SSX2IP: variants seen among roughly 807,000 people sequenced by gnomAD.
SSX2IP encodes SSX family member 2 interacting protein.
In SSX2IP, 55 loss-of-function variants were observed where a neutral mutation model predicts 84.9. The ratio of observed to expected loss-of-function variants is 0.65; its 90% CI spans 0.52 to 0.81. The LOEUF (loss-of-function observed/expected upper bound fraction) is 0.81, where lower values mean the gene tolerates loss of function less well. SSX2IP is among the 30% of genes least tolerant of loss of function. SSX2IP has a pLI of 0.00. For synonymous variants in SSX2IP, 239 were observed against 234.7 expected, an observed-to-expected ratio of 1.02 and a Z score of -0.17; for missense variants, 664 against 705.2, an observed-to-expected ratio of 0.94 and a Z score of 0.66.
intron 1 of SSX2IP, among the ~76,000 whole-genome samples, chr1:84,678,184 T>G (rs1654626561): frequency 6.6e-6 from 1 of 152,174 alleles, no homozygotes; most frequent in Non-Finnish European, 1.5e-5. Context: ...CATTCTATAG[T>G]ATTATGGTTA....
chr1:84,662,112 T>G (rs1200928641), intron 8 of SSX2IP, 86 bp downstream of exon 8: 1 of 830,878 alleles, frequency 1.2e-6, no homozygotes, highest in Admixed American at 2.5e-5. Flanking sequence ...ATACCAATAG[T>G]GTCCCCATTG....
rs566196000 is a variant in SSX2IP, at chr1:84,646,213, T to C, written c.*1220A>G. ...AGCAGGGTTAGGCACTTAAAGCTTT[T>C]TGATGAAAATCCTGGGAAAGAGCTG... On this transcript the variant is annotated 3_prime_UTR_variant, in exon 14 of 14. Transcript: ENST00000342203. 2 of 152,732 alleles carry C rather than the reference T, an allele frequency of 1.3e-5. No individual in the cohort carries two copies. The highest frequency in any genetic ancestry group is 2.4e-5 in the African/African-American group (1 of 41,574). 9.5% of individuals were successfully genotyped at this position (152,732 alleles called of 1,614,324 possible).
chr1:84,652,214 G>C (rs1650354153), intron 11 of SSX2IP: 2 of 452,102 alleles, frequency 4.4e-6, no homozygotes, highest in African/African-American at 2.0e-5. Flanking sequence ...CTTGAACTGA[G>C]GAGTTCCAAA....
intron 11 of SSX2IP, chr1:84,652,328 A>C: frequency 5.6e-6 from 1 of 178,240 alleles, no homozygotes; most frequent in South Asian, 1.2e-4. Context: ...GAGGCTGAGG[A>C]GGGAGGATGG....
chr1:84,647,724 C>T, intron 13 of SSX2IP, 117 bp from the exon 14 acceptor site: 1 of 682,414 alleles, frequency 1.5e-6, no homozygotes, highest in Non-Finnish European at 2.1e-6. Flanking sequence ...AAAATCTAGG[C>T]CAAAAATATA....
At chr1:84,685,777 T>A (rs966514484) in intron 1 of SSX2IP, among the ~76,000 whole-genome samples, 2 of 152,220 alleles carry the variant, frequency 1.3e-5, no homozygotes, top group Non-Finnish European at 2.9e-5. Context: ...ATTTCTATGA[T>A]GTTGGCTTGC....
chr1:84,669,827 ACTCT>A lies in SSX2IP; in HGVS notation c.276_279del (p.Arg92SerfsTer2), dbSNP rs1358518962. On this transcript the variant is annotated frameshift_variant, in exon 4 of 14. Transcript: ENST00000342203. LOFTEE classifies it high-confidence loss of function. ...CAATTTAGTACAGCTACTATATTTA[ACTCT>A]CTCTTTGTCTCTTTACCTTTGGATT... 6.2e-6 allele frequency: 10 copies of A among 1,613,606 alleles called. No individual in the cohort carries two copies. The highest frequency in any genetic ancestry group is 2.2e-5 in the East Asian group (1 of 44,840).
Position 84,670,833 on chromosome 1 carries a change from A to G in SSX2IP, c.44-18T>C. On this transcript the variant is annotated intron_variant, in intron 2 of 13. Transcript: ENST00000342203. ...TTTGCTTTCTGAAAGAATAAAAGGC[A>G]TCTATATAAATAATTTAGAAAAACG... 6.4e-7 allele frequency: 1 copy of G among 1,570,330 alleles called. No homozygotes were observed. Among genetic ancestry groups the G allele is most frequent in the Non-Finnish European group, 8.6e-7 (1 of 1,159,298 alleles).
intron 1 of SSX2IP, among the ~76,000 whole-genome samples, chr1:84,689,842 T>C (rs1443591346): frequency 6.6e-6 from 1 of 152,226 alleles, no homozygotes; most frequent in Non-Finnish European, 1.5e-5. Context: ...ATTCTTCCCC[T>C]AGACTTTTTA....
intron 1 of SSX2IP, among the ~76,000 whole-genome samples, chr1:84,684,659 C>CTA (rs1655543693): frequency 6.6e-6 from 1 of 152,104 alleles, no homozygotes; most frequent in African/African-American, 2.4e-5. Flanking sequence ...AGGTGTGCAC[C>CTA]TATACAGCAG....
intron 1 of SSX2IP, chr1:84,680,254 G>A (rs1654894992): frequency 6.6e-6 from 1 of 152,094 alleles, no homozygotes; most frequent in Admixed American, 6.6e-5. Context: ...ACTGATCATT[G>A]CTGCAGTATG....
chr1:84,667,769 T>C (rs927034098), intron 4 of SSX2IP, among the ~76,000 whole-genome samples: 1 of 152,160 alleles, frequency 6.6e-6, no homozygotes, highest in Non-Finnish European at 1.5e-5. Context: ...CTGCCTAGAA[T>C]GACATTTCCA....
Position 84,650,423 on chromosome 1 carries a change from G to C in SSX2IP, c.1609C>G (p.Leu537Val), listed in dbSNP as rs780996158. 1.2e-6 allele frequency: 2 copies of C among 1,614,182 alleles called. No individual in the cohort carries two copies. Among genetic ancestry groups the C allele is most frequent in the Non-Finnish European group, 1.7e-6 (2 of 1,180,028 alleles). The change falls in exon 13 of 14, where the codon CTT (leucine) becomes GTT (valine). Residue 537 changes from leucine to valine, a missense_variant. By Grantham distance (32) the Leu-to-Val change is conservative. Coordinates refer to ENST00000342203, the MANE Select transcript of SSX2IP (RefSeq NM_001166293.2). ...TCTGAAGTGGAAGGTGAAGCAGGAAGAGATTTAGTAAGTTTAGACATGCAA... is the reference window on the plus strand; with the variant it reads ...TCTGAAGTGGAAGGTGAAGCAGGAACAGATTTAGTAAGTTTAGACATGCAA... The part of the protein sequence containing the change: ...PVCMSKLTKS[L>V]PASPSTSDFC...
At chr1:84,689,721 C>T (rs913203422) in intron 1 of SSX2IP, among the ~76,000 whole-genome samples, 2 of 152,214 alleles carry the variant, frequency 1.3e-5, no homozygotes, top group African/African-American at 4.8e-5. Flanking sequence ...GTGCAGGGAG[C>T]TCACAATTCA....
Position 84,646,436 on chromosome 1 carries a change from T to C in SSX2IP, c.*997A>G, listed in dbSNP as rs1570535267. ...TATTTCTTCAGTGGTAAATACCTCA[T>C]TAAAAAATTATTAAAAAATTATTGA... On this transcript the variant is annotated 3_prime_UTR_variant, in exon 14 of 14. Coordinates refer to ENST00000342203, the MANE Select transcript of SSX2IP (RefSeq NM_001166293.2). 1 of 152,558 alleles carries C rather than the reference T, an allele frequency of 6.6e-6. No individual in the cohort carries two copies. Among genetic ancestry groups the C allele is most frequent in the Non-Finnish European group, 1.5e-5 (1 of 68,024 alleles). 9.5% of individuals were successfully genotyped at this position (152,558 alleles called of 1,614,324 possible). A position where few individuals can be genotyped will look rare whatever the true frequency, so the allele number is the denominator to read the frequency against.
rs902612293 is a variant in SSX2IP at position 84,646,493 on chromosome 1, T to C, written c.*940A>G. 5.2e-5 allele frequency: 8 copies of C among 152,592 alleles called. No homozygotes were observed. The highest frequency in any genetic ancestry group is 1.2e-4 in the Non-Finnish European group (8 of 68,016). 9.5% of individuals were successfully genotyped at this position (152,592 alleles called of 1,614,324 possible). On this transcript the variant is annotated 3_prime_UTR_variant, in exon 14 of 14. Coordinates refer to ENST00000342203, the MANE Select transcript of SSX2IP (RefSeq NM_001166293.2). ...AAAGCCCTAGTTAGTATACAGATAT[T>C]ACTATACTGGTACCCATCTTGTAAG...
intron 1 of SSX2IP, among the ~76,000 whole-genome samples, chr1:84,681,607 A>G (rs1415735282): frequency 7.8e-6 from 1 of 128,138 alleles, no homozygotes; most frequent in African/African-American, 3.2e-5. Flanking sequence ...TGAATGTTAT[A>G]GGAGCATGTA....
intron 11 of SSX2IP, 140 bp from the exon 12 acceptor site, chr1:84,652,137 A>C (rs1650345216): frequency 1.6e-6 from 1 of 618,692 alleles, no homozygotes; most frequent in South Asian, 2.2e-5. Flanking sequence ...TAACCTAAAA[A>C]ACTAAAAATA....
chr1:84,655,358 G>C, intron 11 of SSX2IP: 1 of 1,116,390 alleles, frequency 9.0e-7, no homozygotes, highest in Non-Finnish European at 1.1e-6. Context: ...TTTTTGAAGG[G>C]GGAATATGTA....
Sources: gnomAD v4.1 joint callset for allele counts (sites outside exome capture counted in the v4.1 genomes callset) on GRCh38, gnomAD v4.1.1 for gene constraint, MANE v1.5 for transcripts, NCBI Gene and HGNC (gene_info 2026-07-23, HGNC 2026-07-21) for gene names.